The following THSD4 variants were observed in gnomAD, a reference collection of about 807,000 sequenced individuals.
The protein encoded by THSD4 is thrombospondin type 1 domain containing 4.
A neutral mutation model predicts 119.0 loss-of-function variants in THSD4; 69 were observed. That is an observed-to-expected ratio of 0.58 (90% confidence interval 0.48 to 0.71). The LOEUF is 0.71. THSD4 is among the 30% of genes least tolerant of loss of function. The probability of loss-of-function intolerance (pLI) is 0.00; values close to 1 mark genes in which losing one functional copy is unlikely to be tolerated. For missense variants in THSD4, 1,393 were observed against 1,391.1 expected (o/e 1.00, Z -0.02); for synonymous variants, 524 against 540.4 (o/e 0.97, Z 0.42).
chr15:71,361,183 C>G (rs2045887982), intron 6 of THSD4, among the ~76,000 whole-genome samples: 1 of 152,080 alleles, frequency 6.6e-6, no homozygotes, highest in African/African-American at 2.4e-5. Flanking sequence ...TAATGGGGAG[C>G]CACTGAAGGA....
At chr15:71,527,171 A>G (rs1595859046) in intron 7 of THSD4, among the ~76,000 whole-genome samples, 1 of 152,296 alleles carries the variant, frequency 6.6e-6, no homozygotes, top group East Asian at 1.9e-4. Flanking sequence ...CGCCACCTTG[A>G]AAGTAGAGAC....
At chr15:71,774,084 C>T (rs1419789771) in intron 17 of THSD4, among the ~76,000 whole-genome samples, 2 of 151,990 alleles carry the variant, frequency 1.3e-5, no homozygotes, top group African/African-American at 2.4e-5. Flanking sequence ...AGGCTGAAAC[C>T]GGTGGATCAC....
Position 71,566,828 on chromosome 15 carries a change from G to A in THSD4, c.1153-93702G>A, listed in dbSNP as rs938161946. ...AGACATTGGCATTTCTTTCCATGGG[G>A]CACCTCCCTGTCTTTTCACCCTGAG... On this transcript the variant is annotated intron_variant, in intron 7 of 17. Transcript: ENST00000261862. Among the ~76,000 whole-genome samples the A allele has an allele frequency of 1.6e-4, 25 of 151,826 alleles. No homozygotes were observed. In the South Asian group the frequency reaches 2.1e-3, roughly 13 times the overall value.
At chr15:71,585,713 C>A (rs1442588049) in intron 7 of THSD4, among the ~76,000 whole-genome samples, 1 of 152,224 alleles carries the variant, frequency 6.6e-6, no homozygotes, top group East Asian at 1.9e-4. Flanking sequence ...TCTCATAATG[C>A]ATATATTGGT....
At chr15:71,363,345 G>A (rs1329586960) in intron 6 of THSD4, among the ~76,000 whole-genome samples, 2 of 152,192 alleles carry the variant, frequency 1.3e-5, no homozygotes, top group African/African-American at 4.8e-5. Context: ...GCCAACCTTG[G>A]TCTAATTGGC....
intron 1 of THSD4, among the ~76,000 whole-genome samples, chr15:71,120,233 C>T (rs2040397658): frequency 6.6e-6 from 1 of 152,132 alleles, no homozygotes; most frequent in African/African-American, 2.4e-5. Flanking sequence ...TCGCCCCACT[C>T]CCCTTCCCCA....
At chr15:71,497,281 C>T (rs1450193675) in intron 7 of THSD4, among the ~76,000 whole-genome samples, 1 of 152,146 alleles carries the variant, frequency 6.6e-6, no homozygotes, top group Non-Finnish European at 1.5e-5. Context: ...GGGAGGCTGA[C>T]ACAGGCAGAT....
At chr15:71,122,558 T>C (rs1196028844) in intron 1 of THSD4, among the ~76,000 whole-genome samples, 1 of 152,230 alleles carries the variant, frequency 6.6e-6, no homozygotes, top group Non-Finnish European at 1.5e-5. Context: ...ATAATGCCAC[T>C]GCTAATATTG....
At chr15:71,602,147 T>C (rs1331711187) in intron 7 of THSD4, among the ~76,000 whole-genome samples, 1 of 152,108 alleles carries the variant, frequency 6.6e-6, no homozygotes, top group Non-Finnish European at 1.5e-5. Context: ...AGGGGTGGTC[T>C]GGAGCTAAAG....
intron 7 of THSD4, among the ~76,000 whole-genome samples, chr15:71,642,079 C>A (rs2050869826): frequency 6.6e-6 from 1 of 152,178 alleles, no homozygotes; most frequent in African/African-American, 2.4e-5. Flanking sequence ...GGATTTATTA[C>A]AAGTCAGGAT....
At chr15:71,604,828 CAA>C (rs138151805) in intron 7 of THSD4, among the ~76,000 whole-genome samples, 1 of 145,968 alleles carries the variant, frequency 6.9e-6, no homozygotes, top group Admixed American at 6.8e-5. Flanking sequence ...AAAACAAAAA[CAA>C]AAAAAAAACC....
chr15:71,274,524 C>T (rs560816158), intron 6 of THSD4, among the ~76,000 whole-genome samples: 1 of 152,242 alleles, frequency 6.6e-6, no homozygotes, highest in African/African-American at 2.4e-5. Context: ...ATGATTCCCT[C>T]CTCCCTGATT....
intron 7 of THSD4, among the ~76,000 whole-genome samples, chr15:71,497,349 T>C (rs892414520): frequency 2.0e-5 from 3 of 151,954 alleles, no homozygotes; most frequent in Admixed American, 1.3e-4. Context: ...CCCATCTCTA[T>C]TAAAAATACA....
chr15:71,252,155 A>G (rs1347513586), intron 5 of THSD4, among the ~76,000 whole-genome samples: 1 of 152,168 alleles, frequency 6.6e-6, no homozygotes, highest in African/African-American at 2.4e-5. Context: ...TGGCCTTAAG[A>G]TTACAAGAAT....
At chr15:71,240,836 C>T (rs978823111) in intron 4 of THSD4, among the ~76,000 whole-genome samples, 1 of 130,860 alleles carries the variant, frequency 7.6e-6, no homozygotes, top group Non-Finnish European at 1.6e-5. Context: ...CACACACACA[C>T]ACATATATAC....
At chr15:71,589,906 A>G (rs2140870727) in intron 7 of THSD4, among the ~76,000 whole-genome samples, 1 of 139,764 alleles carries the variant, frequency 7.2e-6, no homozygotes, top group African/African-American at 2.5e-5. Flanking sequence ...ATGTGTCATC[A>G]TGGACACAAA....
At chr15:71,348,584 T>A (rs1211180231) in intron 6 of THSD4, 1 of 152,266 alleles carries the variant, frequency 6.6e-6, no homozygotes, top group African/African-American at 2.4e-5. Context: ...CTCTTAGTTG[T>A]GTTCAGAGCC....
chr15:71,442,691 T>TAC (rs2047126024), intron 7 of THSD4, among the ~76,000 whole-genome samples: 3 of 116,206 alleles, frequency 2.6e-5, no homozygotes, highest in Non-Finnish European at 5.5e-5. Flanking sequence ...TATATATATA[T>TAC]ATATATATAT....
chr15:71,389,827 T>TTTTTTTTTTTTTTTTTTG lies in THSD4; in HGVS notation c.1016-21860_1016-21859insTTTTTTTTTTTTTTTTTG, dbSNP rs56316633. The stretch of plus-strand genomic sequence containing the variant: ...TCTGGGTTGTTTTTTTTTTTTTTTT[T>TTTTTTTTTTTTTTTTTTG]GACACAGAGTCTCGCTCTGTCACTC... On this transcript the variant is annotated intron_variant, in intron 6 of 17. Transcript: ENST00000261862. 2.1e-5 allele frequency among the ~76,000 whole-genome samples: 3 copies of TTTTTTTTTTTTTTTTTTG among 142,998 alleles called. 1 individual carries two copies. Among genetic ancestry groups the TTTTTTTTTTTTTTTTTTG allele is most frequent in the African/African-American group, 8.0e-5 (3 of 37,336 alleles). The allele number at this position is 142,998 out of a possible 152,430, so 93.8% of individuals were successfully genotyped here.
Sources: gnomAD v4.1 joint callset for allele counts (sites outside exome capture counted in the v4.1 genomes callset) on GRCh38, gnomAD v4.1.1 for gene constraint, MANE v1.5 for transcripts, NCBI Gene and HGNC (gene_info 2026-07-23, HGNC 2026-07-21) for gene names.